Variants in RABGEF1 observed in about 807,000 individuals in gnomAD.
RABGEF1 encodes the protein rab5 GDP/GTP exchange factor.
RABGEF1 carries 26 observed loss-of-function variants against 57.3 expected under a neutral mutation model. The ratio of observed to expected loss-of-function variants is 0.45; its 90% confidence interval spans 0.33 to 0.63. The LOEUF (loss-of-function observed/expected upper bound fraction) is 0.63. Among genes scored for constraint, RABGEF1 ranks in the 20% least tolerant of loss-of-function variants. The pLI is 0.02. For synonymous variants in RABGEF1, 185 were observed against 210.7 expected (o/e 0.88, Z 1.06); for missense variants, 464 against 607.6 (o/e 0.76, Z 2.48).
At chr7:66,744,192 C>T (rs1403935966) in intron 1 of RABGEF1, among the ~76,000 whole-genome samples, 2 of 151,468 alleles carry the variant, frequency 1.3e-5, no homozygotes, top group African/African-American at 2.4e-5. Flanking sequence ...GATAGGCGCG[C>T]GCCACCACGC....
At chr7:66,755,176 C>T (rs189075631) in intron 1 of RABGEF1, among the ~76,000 whole-genome samples, 1 of 152,168 alleles carries the variant, frequency 6.6e-6, no homozygotes, top group Admixed American at 6.5e-5. Flanking sequence ...TGCCTGTAGT[C>T]CCAGCTCCTC....
intron 2 of RABGEF1, among the ~76,000 whole-genome samples, chr7:66,719,392 A>T (rs2659901): frequency 0.34 from 51,747 of 151,956 alleles, 9,209 homozygotes; most frequent in Middle Eastern, 0.5. Context: ...TTTTGTAGAG[A>T]TGGGGTCTTG....
intron 1 of RABGEF1, among the ~76,000 whole-genome samples, chr7:66,699,729 T>C (rs1441265496): frequency 4.0e-5 from 6 of 150,952 alleles, no homozygotes; most frequent in Non-Finnish European, 5.9e-5. Flanking sequence ...AGTGTGCACT[T>C]GTAGTCCCAG....
intron 1 of RABGEF1, among the ~76,000 whole-genome samples, chr7:66,685,692 A>G (rs773824119): frequency 6.6e-6 from 1 of 152,176 alleles, no homozygotes; most frequent in Non-Finnish European, 1.5e-5. Flanking sequence ...GATTTCTTTG[A>G]TTTTTGTTGC....
At position 66,799,377 on chromosome 7, in the gene RABGEF1, C is replaced by G. The variant is rs750486885; in HGVS notation, c.783C>G (p.Ile261Met). 1.2e-6 allele frequency: 2 copies of G among 1,612,428 alleles called. No homozygotes were observed. The highest frequency in any genetic ancestry group is 2.2e-5 in the South Asian group (2 of 91,034). ...QMLCVPVNEDIPEVSDMVVKA... is the reference protein window; with the variant it reads ...QMLCVPVNEDMPEVSDMVVKA... The stretch of plus-strand genomic sequence containing the variant: ...TGTGTGTCCCTGTTAATGAAGACAT[C>G]CCAGAAGTGTCTGATATGGTGGTGA... Residue 261 changes from isoleucine to methionine, a missense_variant, in exon 7 of 9, where the codon ATC becomes ATG. Ile to Met is a conservative substitution (Grantham distance 10). Coordinates refer to ENST00000284957, the MANE Select transcript of RABGEF1 (RefSeq NM_014504.3).
intron 2 of RABGEF1, among the ~76,000 whole-genome samples, chr7:66,735,695 T>C (rs1302989887): frequency 6.6e-6 from 1 of 152,174 alleles, no homozygotes; most frequent in Non-Finnish European, 1.5e-5. Flanking sequence ...TCTCTCTCTC[T>C]TCCCTTTGCT....
At chr7:66,665,715 C>A in the RABGEF1 span, among the ~76,000 whole-genome samples, 6 of 152,288 alleles carry the variant, frequency 3.9e-5, no homozygotes, top group Non-Finnish European at 8.8e-5. Flanking sequence ...GTGACGTTCC[C>A]TGAGACATCT....
Position 66,717,228 on chromosome 7 carries a change from G to T in RABGEF1, c.-815+5004G>T, listed in dbSNP as rs558614776. ...TTTAGTGGTGGCTCTAAGAATTACA[G>T]TATGTACACCAAACTTTTTACTTTC... On this transcript the variant is annotated intron_variant and NMD_transcript_variant, in intron 2 of 9. Coordinates refer to the RABGEF1 transcript ENST00000607882. Among the ~76,000 whole-genome samples the T allele has an allele frequency of 7.9e-5, 12 of 152,218 alleles. No individual in the cohort carries two copies. The South Asian group carries it at 2.5e-3, about 32-fold the overall frequency.
chr7:66,737,129 T>C (rs1001173073), upstream of RABGEF1, among the ~76,000 whole-genome samples: 7 of 150,464 alleles, frequency 4.7e-5, no homozygotes, highest in African/African-American at 1.7e-4. Context: ...AGAATCTTGC[T>C]GTGTTGCCGA....
At position 66,809,196 on chromosome 7, in the gene RABGEF1, C is replaced by A; in HGVS notation, c.1388C>A (p.Pro463Gln). 1 of 1,614,156 alleles carries A rather than the reference C, an allele frequency of 6.2e-7. No individual in the cohort carries two copies. Among genetic ancestry groups the A allele is most frequent in the Non-Finnish European group, 8.5e-7 (1 of 1,180,020 alleles). ...VEKYPLEIKP[P>Q]NQPLAAIDSE... Reference sequence around the variant, plus strand: ...AAATACCCACTGGAAATTAAGCCTCCGAATCAACCGTTAGCAGCTATTGAC... The same window carrying A: ...AAATACCCACTGGAAATTAAGCCTCAGAATCAACCGTTAGCAGCTATTGAC... The change falls in exon 9 of 9, where the codon CCG (proline) becomes CAG (glutamine). Residue 463 changes from proline (P) to glutamine (Q), a missense_variant. Pro to Gln is a moderately conservative substitution (Grantham distance 76). Coordinates refer to ENST00000284957, the MANE Select transcript of RABGEF1 (RefSeq NM_014504.3).
rs1808047153 is a variant in RABGEF1 at position 66,774,598 on chromosome 7, C to T, written c.180-629C>T. Among the ~76,000 whole-genome samples, 2 of 152,270 alleles carry T rather than the reference C, an allele frequency of 1.3e-5. 1 individual carries two copies. Among genetic ancestry groups the T allele is most frequent in the South Asian group, 4.1e-4 (2 of 4,824 alleles). On this transcript the variant is annotated intron_variant, in intron 2 of 8. Transcript: ENST00000284957. ...CTGGAATGTCCTTTCACTTAGAATC[C>T]TATTCAGCCTTATTAGTCAGGTGTG...
chr7:66,684,755 C>T (rs1469313898), intron 1 of RABGEF1, among the ~76,000 whole-genome samples: 1 of 152,186 alleles, frequency 6.6e-6, no homozygotes, highest in East Asian at 1.9e-4. Context: ...CTGCTTCAGT[C>T]TCCCGAGTAG....
At chr7:66,686,254 C>G (rs946506951) in intron 1 of RABGEF1, among the ~76,000 whole-genome samples, 5 of 150,586 alleles carry the variant, frequency 3.3e-5, no homozygotes, top group African/African-American at 1.2e-4. Flanking sequence ...GCACTCCATC[C>G]TGGGCAACAA....
intron 1 of RABGEF1, among the ~76,000 whole-genome samples, chr7:66,750,459 A>G (rs573270868): frequency 3.9e-4 from 60 of 152,294 alleles, no homozygotes; most frequent in Middle Eastern, 3.4e-3. Flanking sequence ...GGTTTATGAC[A>G]TATTAGGGAA....
At chr7:66,681,991 G>C (rs1789787341), upstream of RABGEF1, among the ~76,000 whole-genome samples, 1 of 152,240 alleles carries the variant, frequency 6.6e-6, no homozygotes, top group Admixed American at 6.5e-5. Context: ...TTGGGCGTCA[G>C]AGCGGCACCC....
chr7:66,693,932 A>T (rs1439879620), intron 1 of RABGEF1, among the ~76,000 whole-genome samples: 1 of 151,684 alleles, frequency 6.6e-6, no homozygotes, highest in Non-Finnish European at 1.5e-5. Context: ...CTCATCCACC[A>T]GAGTAGTTGG....
intron 3 of RABGEF1, among the ~76,000 whole-genome samples, chr7:66,777,104 A>G (rs947294555): frequency 1.3e-5 from 2 of 152,234 alleles, no homozygotes; most frequent in African/African-American, 4.8e-5. Context: ...TTAAAATGCA[A>G]GTTATTCTTC....
chr7:66,768,144 G>A (rs1002167246), intron 1 of RABGEF1, among the ~76,000 whole-genome samples: 3 of 152,238 alleles, frequency 2.0e-5, no homozygotes. Context: ...GGGATTGCAA[G>A]CAAACGTTTC....
chr7:66,776,210 A>G, intron 3 of RABGEF1, among the ~76,000 whole-genome samples: 1 of 152,204 alleles, frequency 6.6e-6, no homozygotes, highest in Non-Finnish European at 1.5e-5. Flanking sequence ...GAGCCCCCTC[A>G]CTTGCTCCCC....
Sources: allele counts gnomAD v4.1 joint callset (sites outside exome capture counted in the v4.1 genomes callset), GRCh38; gene constraint gnomAD v4.1.1; transcripts MANE v1.5; gene names NCBI Gene and HGNC (gene_info 2026-07-23, HGNC 2026-07-21).